The following AK9 variants were observed in gnomAD, a reference collection of about 807,000 sequenced individuals.
The protein encoded by AK9 is adenylate kinase 9.
In AK9, 191 loss-of-function variants were observed where a neutral mutation model predicts 239.6. The observed-to-expected ratio is 0.80, with a 90% CI of 0.71 to 0.90. AK9 has a LOEUF of 0.90. Among genes scored for constraint, AK9 ranks in the 40% least tolerant of loss-of-function variants. The pLI, the probability that AK9 is intolerant of heterozygous loss-of-function variation, is 0.00. For missense variants in AK9, 1,995 were observed against 2,214.7 expected (o/e 0.90, Z 1.99); for synonymous variants, 689 against 721.0 (o/e 0.96, Z 0.71).
intron 5 of AK9, among the ~76,000 whole-genome samples, chr6:109,668,079 T>C (rs1345211321): frequency 2.6e-5 from 4 of 152,214 alleles, no homozygotes; most frequent in Admixed American, 2.6e-4. Flanking sequence ...CCTGACTTTT[T>C]AATGATTGCC....
chr6:109,593,578 C>T (rs1056518006), intron 17 of AK9, among the ~76,000 whole-genome samples: 1 of 152,106 alleles, frequency 6.6e-6, no homozygotes, highest in African/African-American at 2.4e-5. Flanking sequence ...AAATTTCAGG[C>T]CAATATCCCT....
chr6:109,670,928 T>A (rs974985037), intron 5 of AK9, among the ~76,000 whole-genome samples: 1 of 152,064 alleles, frequency 6.6e-6, no homozygotes, highest in Non-Finnish European at 1.5e-5. Flanking sequence ...CTACTTATAA[T>A]GTATTTATAA....
In AK9 at chr6:109,636,762, A is replaced by G. The variant is rs547858051; in HGVS notation, c.934-3439T>C. ...GAATAATATTCCATCACACACACAC[A>G]CACACACACACACACACACACCACA... On this transcript the variant is annotated intron_variant, in intron 10 of 40. Transcript: ENST00000424296. Among the ~76,000 whole-genome samples, 22 of 151,088 alleles carry G rather than the reference A, an allele frequency of 1.5e-4. No individual in the cohort carries two copies. The South Asian group carries it at 1.5e-3, about 10-fold the overall frequency.
intron 24 of AK9, among the ~76,000 whole-genome samples, chr6:109,554,534 T>C (rs1036043628): frequency 5.8e-5 from 8 of 136,968 alleles, no homozygotes; most frequent in Non-Finnish European, 1.1e-4. Flanking sequence ...TCTTTTTTTT[T>C]TTTTTTTTTT....
At chr6:109,536,409 G>C (rs1781999524) in intron 27 of AK9, among the ~76,000 whole-genome samples, 1 of 152,148 alleles carries the variant, frequency 6.6e-6, no homozygotes, top group Non-Finnish European at 1.5e-5. Flanking sequence ...CTCTCTGTCT[G>C]TTATTGGTGT....
chr6:109,559,140 C>T (rs1323431851), intron 24 of AK9, among the ~76,000 whole-genome samples: 1 of 150,840 alleles, frequency 6.6e-6, no homozygotes, highest in Non-Finnish European at 1.5e-5. Context: ...ACGTGAGCCA[C>T]CATACTCAGC....
chr6:109,515,705 T>C (rs1779208743), intron 31 of AK9, among the ~76,000 whole-genome samples, 152 bp downstream of exon 31: 1 of 152,202 alleles, frequency 6.6e-6, no homozygotes. Context: ...AATGATTCCA[T>C]TTTAAATCCC....
intron 19 of AK9, 48 bp downstream of exon 19, chr6:109,585,075 G>A (rs1789320725): frequency 2.0e-6 from 2 of 1,013,472 alleles, no homozygotes; most frequent in African/African-American, 3.4e-5. Flanking sequence ...ATATTTAACT[G>A]CTATAACAGA....
At chr6:109,535,624 T>C (rs1164869055) in intron 27 of AK9, among the ~76,000 whole-genome samples, 4 of 152,364 alleles carry the variant, frequency 2.6e-5, no homozygotes, top group African/African-American at 9.6e-5. Context: ...ATCCCATTTG[T>C]CAATTTTGGC....
intron 27 of AK9, among the ~76,000 whole-genome samples, chr6:109,541,477 C>T (rs1400107421): frequency 6.6e-6 from 1 of 152,188 alleles, no homozygotes; most frequent in African/African-American, 2.4e-5. Context: ...ATGGCACTGT[C>T]TCGGCTCACT....
intron 29 of AK9, among the ~76,000 whole-genome samples, chr6:109,523,689 C>T (rs966134074): frequency 6.6e-6 from 1 of 152,044 alleles, no homozygotes; most frequent in African/African-American, 2.4e-5. Flanking sequence ...GAGCCAAAAC[C>T]AGGGCCACTG....
intron 13 of AK9, among the ~76,000 whole-genome samples, chr6:109,615,048 T>C (rs1793999553): frequency 6.6e-6 from 1 of 152,194 alleles, no homozygotes; most frequent in Non-Finnish European, 1.5e-5. Flanking sequence ...AAATCTATGA[T>C]TTAATGTTAT....
chr6:109,595,729 T>C (rs6927075), intron 17 of AK9, among the ~76,000 whole-genome samples: 13,015 of 152,166 alleles, frequency 0.086, 903 homozygotes, highest in African/African-American at 0.19. Flanking sequence ...GAAACCATCA[T>C]TCTCAGCAAA....
intron 16 of AK9, 25 bp from the exon 17 acceptor site, chr6:109,610,538 TA>T (rs896022702): frequency 1.3e-6 from 2 of 1,540,236 alleles, no homozygotes; most frequent in African/African-American, 2.8e-5. Context: ...GCTGATAAAT[TA>T]ATGCCATTAA....
At chr6:109,599,735 T>C (rs1283625927) in intron 17 of AK9, among the ~76,000 whole-genome samples, 1 of 152,214 alleles carries the variant, frequency 6.6e-6, no homozygotes, top group Admixed American at 6.5e-5. Context: ...TTTGTTTGTA[T>C]CCCCTTTTAT....
chr6:109,616,901 A>C (rs1158375966), intron 13 of AK9, among the ~76,000 whole-genome samples: 1 of 152,208 alleles, frequency 6.6e-6, no homozygotes, highest in African/African-American at 2.4e-5. Context: ...GCTCTCTGGA[A>C]AACCCAAGAG....
chr6:109,625,096 T>C (rs1795356646), intron 12 of AK9, among the ~76,000 whole-genome samples: 1 of 152,318 alleles, frequency 6.6e-6, no homozygotes, highest in East Asian at 1.9e-4. Context: ...TAATTACTCT[T>C]ATTTTCCAGA....
At chr6:109,578,266 G>C (rs919678959) in intron 20 of AK9, among the ~76,000 whole-genome samples, 32 of 150,042 alleles carry the variant, frequency 2.1e-4, no homozygotes, top group Non-Finnish European at 4.6e-4. Context: ...CTGGGGTTTC[G>C]CCATGTTGGC....
intron 25 of AK9, 79 bp from the exon 26 acceptor site, chr6:109,546,206 A>T: frequency 7.5e-7 from 1 of 1,331,146 alleles, no homozygotes; most frequent in East Asian, 2.3e-5. Flanking sequence ...TTTAGAACAC[A>T]TAAGACTTAT....
Sources: allele counts gnomAD v4.1 joint callset (sites outside exome capture counted in the v4.1 genomes callset), GRCh38; gene constraint gnomAD v4.1.1; transcripts MANE v1.5; gene names NCBI Gene and HGNC (gene_info 2026-07-23, HGNC 2026-07-21).